KCNU1: variants seen among roughly 807,000 people sequenced by gnomAD.
KCNU1 encodes potassium channel subfamily U member 1.
KCNU1 carries 93 observed loss-of-function variants against 126.8 expected under a neutral mutation model. That is an observed-to-expected ratio of 0.73 (90% CI 0.62 to 0.87). The LOEUF (loss-of-function observed/expected upper bound fraction) is 0.87, where lower values mean the gene tolerates loss of function less well. KCNU1 is among the 40% of genes least tolerant of loss of function. KCNU1 has a pLI of 0.00. For missense variants in KCNU1, 1,330 were observed against 1,367.1 expected (o/e 0.97, Z 0.43); for synonymous variants, 523 against 494.2 (o/e 1.06, Z -0.77).
rs1803401569 is a variant in KCNU1 at position 36,803,898 on chromosome 8, A to T, written c.316-129A>T. On this transcript the variant is annotated intron_variant, in intron 2 of 26. Transcript: ENST00000399881. ...CAGATGAATGAATGAATGAATACTA[A>T]CATAAGTGAATATGTGAATAAATGG... 4.3e-6 allele frequency: 3 copies of T among 702,960 alleles called. No individual in the cohort carries two copies. The South Asian group carries it at 4.7e-5, about 11-fold the overall frequency. 43.5% of individuals were successfully genotyped at this position (702,960 alleles called of 1,614,324 possible). A position where few individuals can be genotyped will look rare whatever the true frequency, so the allele number is the denominator to read the frequency against.
At chr8:36,876,907 G>A (rs1806297016) in intron 19 of KCNU1, among the ~76,000 whole-genome samples, 1 of 152,168 alleles carries the variant, frequency 6.6e-6, no homozygotes. Context: ...CCAGATGTTG[G>A]TGATGGGAGC....
At chr8:36,906,179 G>GGC (rs1554516242) in intron 20 of KCNU1, among the ~76,000 whole-genome samples, 4 of 28,810 alleles carry the variant, frequency 1.4e-4, no homozygotes, top group African/African-American at 1.9e-4. Context: ...GGACTCTGCA[G>GGC]TCTTTTTTTT....
intron 19 of KCNU1, among the ~76,000 whole-genome samples, chr8:36,874,919 C>T (rs1751835772): frequency 1.3e-5 from 2 of 151,952 alleles, no homozygotes; most frequent in South Asian, 4.2e-4. Flanking sequence ...GGATTCTGTT[C>T]CTTCCTTAGA....
At chr8:36,873,259 C>G (rs1318205813) in intron 19 of KCNU1, among the ~76,000 whole-genome samples, 1 of 152,002 alleles carries the variant, frequency 6.6e-6, no homozygotes, top group Non-Finnish European at 1.5e-5. Flanking sequence ...CTTTCCTTCC[C>G]CTGGCCCCAA....
chr8:36,848,869 T>A (rs1455790354), intron 18 of KCNU1, among the ~76,000 whole-genome samples: 3 of 152,088 alleles, frequency 2.0e-5, no homozygotes, highest in Admixed American at 6.6e-5. Context: ...CCTGAAGCAC[T>A]GTATATATGT....
chr8:36,800,280 T>A (rs1803255313), intron 2 of KCNU1, among the ~76,000 whole-genome samples: 1 of 152,164 alleles, frequency 6.6e-6, no homozygotes, highest in African/African-American at 2.4e-5. Context: ...GGATTTTGTT[T>A]CTTATCTGAA....
At chr8:36,885,018 G>A (rs1806639925) in intron 19 of KCNU1, among the ~76,000 whole-genome samples, 1 of 152,172 alleles carries the variant, frequency 6.6e-6, no homozygotes, top group African/African-American at 2.4e-5. Context: ...GAGAATCGCA[G>A]CTGAGATCTG....
rs544643407 is a variant in KCNU1, at chr8:36,934,059, T to C, written c.3044+1027T>C. On this transcript the variant is annotated intron_variant, in intron 26 of 26. Coordinates refer to ENST00000399881, the MANE Select transcript of KCNU1 (RefSeq NM_001031836.3). Reference sequence around the variant, plus strand: ...ATCCCAATGCATTGAATAGTAGATGTACTCAGAGTTAAGGGAGTGAGAGAG... The same window carrying C: ...ATCCCAATGCATTGAATAGTAGATGCACTCAGAGTTAAGGGAGTGAGAGAG... 2.3e-4 allele frequency among the ~76,000 whole-genome samples: 35 copies of C among 152,242 alleles called. 1 individual carries two copies. The South Asian group carries it at 7.1e-3, about 31-fold the overall frequency.
chr8:36,854,358 C>T (rs1448963498), intron 18 of KCNU1, among the ~76,000 whole-genome samples: 4 of 152,048 alleles, frequency 2.6e-5, no homozygotes, highest in East Asian at 3.9e-4. Context: ...TCCTTTGGTA[C>T]ACTTGATAAT....
chr8:36,848,524 A>G (rs1308559135), intron 18 of KCNU1, among the ~76,000 whole-genome samples: 2 of 152,118 alleles, frequency 1.3e-5, no homozygotes, highest in Non-Finnish European at 2.9e-5. Context: ...CCCCAGCACC[A>G]TTACTGAAGT....
chr8:36,826,001 A>G (rs1804305934), intron 10 of KCNU1, among the ~76,000 whole-genome samples: 1 of 151,810 alleles, frequency 6.6e-6, no homozygotes, highest in South Asian at 2.1e-4. Flanking sequence ...TATAGGTTTG[A>G]ATTTCTATTA....
At chr8:36,797,610 A>G (rs763141171) in intron 2 of KCNU1, among the ~76,000 whole-genome samples, 31 of 151,152 alleles carry the variant, frequency 2.1e-4, no homozygotes, top group Non-Finnish European at 3.2e-4. Flanking sequence ...TACATAACAC[A>G]CTATTTCTTT....
chr8:36,784,828 C>A (rs892033220), intron 1 of KCNU1, among the ~76,000 whole-genome samples: 1 of 152,108 alleles, frequency 6.6e-6, no homozygotes, highest in African/African-American at 2.4e-5. Context: ...CTGGAAAAAG[C>A]AATGTCTTGT....
chr8:36,894,731 G>A (rs1807115418), intron 19 of KCNU1, among the ~76,000 whole-genome samples: 1 of 152,080 alleles, frequency 6.6e-6, no homozygotes, highest in South Asian at 2.1e-4. Flanking sequence ...CAAAGAAGTT[G>A]AGAAAATATT....
Position 36,867,616 on chromosome 8 carries a change from C to T in KCNU1, c.2009+3095C>T, listed in dbSNP as rs758581319. On this transcript the variant is annotated intron_variant, in intron 19 of 26. Transcript: ENST00000399881. Reference sequence around the variant, plus strand: ...TTGTGCTTTTGTTTATTCTCTCACACGTCTTCTCTGTGATGGTAAAGGGTT... The same window carrying T: ...TTGTGCTTTTGTTTATTCTCTCACATGTCTTCTCTGTGATGGTAAAGGGTT... Among the ~76,000 whole-genome samples, 9 of 152,118 alleles carry T rather than the reference C, an allele frequency of 5.9e-5. No individual in the cohort carries two copies. In the East Asian group the frequency reaches 1.3e-3, roughly 23 times the overall value.
intron 19 of KCNU1, among the ~76,000 whole-genome samples, chr8:36,895,395 A>G (rs971112194): frequency 1.3e-5 from 2 of 152,004 alleles, no homozygotes; most frequent in African/African-American, 2.4e-5. Context: ...GTTATTTTAA[A>G]AACCTGGATC....
intron 1 of KCNU1, among the ~76,000 whole-genome samples, chr8:36,785,380 T>C (rs1315772546): frequency 5.9e-5 from 9 of 152,204 alleles, no homozygotes. Flanking sequence ...CTTTCTCTGA[T>C]AGATTATAGC....
intron 25 of KCNU1, among the ~76,000 whole-genome samples, chr8:36,932,442 T>C (rs936745009): frequency 1.3e-5 from 2 of 152,106 alleles, no homozygotes; most frequent in Admixed American, 1.3e-4. Context: ...TGCAGGGGCT[T>C]GAAATTGTTG....
chr8:36,828,937 A>C (rs1396642429), intron 10 of KCNU1, among the ~76,000 whole-genome samples: 2 of 152,038 alleles, frequency 1.3e-5, no homozygotes, highest in African/African-American at 2.4e-5. Context: ...TGGTATGGTT[A>C]TATGTTTTAA....
Sources: allele counts gnomAD v4.1 joint callset (sites outside exome capture counted in the v4.1 genomes callset), GRCh38; gene constraint gnomAD v4.1.1; transcripts MANE v1.5; gene names NCBI Gene and HGNC (gene_info 2026-07-23, HGNC 2026-07-21).